Variants in SV2B observed in about 807,000 individuals in gnomAD.
SV2B encodes solute carrier family 22 member B2.
SV2B carries 41 observed loss-of-function variants against 73.9 expected under a neutral mutation model. The ratio of observed to expected loss-of-function variants is 0.56; its 90% CI spans 0.43 to 0.72. The LOEUF is 0.72. Ranked by LOEUF, SV2B falls within the 30% of genes least tolerant of loss-of-function variation. The pLI, the probability that SV2B is intolerant of heterozygous loss-of-function variation, is 0.00. For missense variants in SV2B, 764 were observed against 857.8 expected, an observed-to-expected ratio of 0.89 and a Z score of 1.37; for synonymous variants, 314 against 314.2, an observed-to-expected ratio of 1.00 and a Z score of 0.01.
rs2043633833 is a variant in SV2B, at chr15:91,159,490, A to G, written c.-392+59127A>G. On this transcript the variant is annotated intron_variant, in intron 1 of 12. Transcript: ENST00000394232. ...TATAGCTAAGCCACTAGATAACAGA[A>G]GAGAATTTGCTAATATTCAGCAATG... Among the ~76,000 whole-genome samples, 3 of 152,190 alleles carry G rather than the reference A, an allele frequency of 2.0e-5. No individual in the cohort carries two copies. In the South Asian group the frequency reaches 6.2e-4, roughly 31 times the overall value.
At chr15:91,238,713 C>T (rs1336945693) in intron 2 of SV2B, among the ~76,000 whole-genome samples, 5 of 152,028 alleles carry the variant, frequency 3.3e-5, no homozygotes, top group Non-Finnish European at 5.9e-5. Context: ...CTGCAGGGGT[C>T]TGCAGTGATC....
intron 1 of SV2B, among the ~76,000 whole-genome samples, chr15:91,204,163 C>T (rs909436221): frequency 2.0e-5 from 3 of 152,176 alleles, no homozygotes; most frequent in African/African-American, 4.8e-5. Context: ...GGACTGCTCC[C>T]TCTGACCCTG....
At position 91,252,525 on chromosome 15, in the gene SV2B, G is replaced by C; in HGVS notation, c.784+5G>C. ...GGAGCATCATCCCACACTATGGTGA[G>C]TCATGGCTCCAAACAGCCTAGGGGG... On this transcript the variant is annotated splice_donor_5th_base_variant and intron_variant, in intron 4 of 12. Coordinates refer to ENST00000394232, the MANE Select transcript of SV2B (RefSeq NM_001323032.3). The surrounding 1 kb of genome is among the most constrained non-coding windows in gnomAD (Gnocchi z 4.6). The C allele has an allele frequency of 6.3e-7, 1 of 1,598,904 alleles. No individual in the cohort carries two copies. Among genetic ancestry groups the C allele is most frequent in the Non-Finnish European group, 8.5e-7 (1 of 1,172,218 alleles).
At chr15:91,216,320 C>T (rs892066988) in intron 1 of SV2B, among the ~76,000 whole-genome samples, 5 of 152,192 alleles carry the variant, frequency 3.3e-5, no homozygotes, top group South Asian at 2.1e-4. Context: ...AGCAGTCAGT[C>T]GGTAGAACCA....
Position 91,197,543 on chromosome 15 carries a change from GA to G in SV2B, c.-391-28320del, listed in dbSNP as rs58842618. Among the ~76,000 whole-genome samples, 17 of 140,416 alleles carry G rather than the reference GA, an allele frequency of 1.2e-4. No individual in the cohort carries two copies. The highest frequency in any genetic ancestry group is 2.2e-4 in the Non-Finnish European group (14 of 64,162). 92.1% of individuals were successfully genotyped at this position (140,416 alleles called of 152,430 possible). A position where few individuals can be genotyped will look rare whatever the true frequency, so the allele number is the denominator to read the frequency against. ...CCAGCCATCATTGTTTTTAATAGAA[GA>G]AAAAAAAAACCAAACCAAACCAAAC... is the stretch of plus-strand genomic sequence containing the variant. On this transcript the variant is annotated intron_variant, in intron 1 of 12. Transcript: ENST00000394232. This position sits in a 1 kb window ranked among gnomAD's most constrained non-coding sequence, Gnocchi z 4.9.
intron 1 of SV2B, among the ~76,000 whole-genome samples, chr15:91,198,580 A>C (rs891843625): frequency 2.4e-4 from 36 of 152,126 alleles, no homozygotes; most frequent in Non-Finnish European, 4.6e-4. Flanking sequence ...GAAACCTAAA[A>C]GCATATTTTA....
intron 10 of SV2B, among the ~76,000 whole-genome samples, chr15:91,282,629 G>GT (rs748972528): frequency 3.3e-5 from 5 of 152,232 alleles, no homozygotes; most frequent in African/African-American, 4.8e-5. Flanking sequence ...TGGTTAGCAA[G>GT]TGGAAGGAGT....
chr15:91,266,910 CTTTG>C, intron 7 of SV2B: 1 of 409,122 alleles, frequency 2.4e-6, no homozygotes, highest in Non-Finnish European at 4.3e-6. Context: ...AGTTTCTTTT[CTTTG>C]TTCTTCCTTC....
Position 91,289,830 on chromosome 15 carries a change from C to T in SV2B, c.1868+150C>T, listed in dbSNP as rs1293400927. On this transcript the variant is annotated intron_variant, in intron 12 of 12. Transcript: ENST00000394232. The surrounding 1 kb of genome is among the most constrained non-coding windows in gnomAD (Gnocchi z 4.9). ...CATCTTTTATGTTGAGCTTCTCCTG[C>T]ATGGTGGATGGCATAGACCTGAAAG... 6.2e-6 allele frequency: 6 copies of T among 974,450 alleles called. No individual in the cohort carries two copies. Among genetic ancestry groups the T allele is most frequent in the Non-Finnish European group, 8.9e-6 (6 of 675,000 alleles). 60.4% of individuals were successfully genotyped at this position (974,450 alleles called of 1,614,324 possible). A position where few individuals can be genotyped will look rare whatever the true frequency, so the allele number is the denominator to read the frequency against.
chr15:91,193,047 G>A (rs1334849364), intron 1 of SV2B, among the ~76,000 whole-genome samples: 2 of 152,188 alleles, frequency 1.3e-5, no homozygotes, highest in African/African-American at 2.4e-5. Context: ...TTTTCTGTCT[G>A]TTAATCCACA....
chr15:91,250,557 C>T (rs1318737414), intron 2 of SV2B, among the ~76,000 whole-genome samples: 4 of 152,100 alleles, frequency 2.6e-5, no homozygotes, highest in Non-Finnish European at 4.4e-5. Flanking sequence ...GCATCTTATA[C>T]ATAGAAAACC....
At chr15:91,116,008 C>T (rs2042168949) in intron 1 of SV2B, among the ~76,000 whole-genome samples, 1 of 152,084 alleles carries the variant, frequency 6.6e-6, no homozygotes, top group Non-Finnish European at 1.5e-5. Flanking sequence ...ATATATAATA[C>T]ATTATTATAT....
At chr15:91,160,681 G>A (rs2078879) in intron 1 of SV2B, among the ~76,000 whole-genome samples, 19,406 of 152,024 alleles carry the variant, frequency 0.13, 1,683 homozygotes, top group African/African-American at 0.24. Context: ...ACAAATAATC[G>A]GTGGACTTCA....
intron 1 of SV2B, among the ~76,000 whole-genome samples, chr15:91,148,510 G>A (rs1178650781): frequency 1.3e-5 from 2 of 152,128 alleles, no homozygotes; most frequent in East Asian, 3.9e-4. Context: ...CTGAAACAGG[G>A]CTTCAAAAGC....
chr15:91,206,431 G>A (rs2045644315), intron 1 of SV2B, among the ~76,000 whole-genome samples: 1 of 152,160 alleles, frequency 6.6e-6, no homozygotes, highest in African/African-American at 2.4e-5. Context: ...ATACATGGGT[G>A]ATGTGCTCAT....
chr15:91,179,891 C>T lies in SV2B; in HGVS notation c.-391-45982C>T, dbSNP rs567557130. 2.8e-3 allele frequency among the ~76,000 whole-genome samples: 428 copies of T among 151,670 alleles called. 4 individuals are homozygous for T. The highest frequency in any genetic ancestry group is 1.0e-2 in the African/African-American group (413 of 41,310). ...TTAATTGGAGCATTTAGTCCATTTACATTTAAAGTTAATATTGTTATGTGT... is the reference window on the plus strand; with the variant it reads ...TTAATTGGAGCATTTAGTCCATTTATATTTAAAGTTAATATTGTTATGTGT... On this transcript the variant is annotated intron_variant, in intron 1 of 12. Transcript: ENST00000394232.
chr15:91,229,473 G>T lies in SV2B; in HGVS notation c.451+2759G>T, dbSNP rs2046490562. On this transcript the variant is annotated intron_variant, in intron 2 of 12. Coordinates refer to ENST00000394232, the MANE Select transcript of SV2B (RefSeq NM_001323032.3). The surrounding 1 kb of genome is among the most constrained non-coding windows in gnomAD (Gnocchi z 4.3). Reference sequence around the variant, plus strand: ...CATCGGGCATTTGCAGTGAACTATAGCTGCAGTGAGATGACGAAGCAACGT... The same window carrying T: ...CATCGGGCATTTGCAGTGAACTATATCTGCAGTGAGATGACGAAGCAACGT... Among the ~76,000 whole-genome samples the T allele has an allele frequency of 6.6e-6, 1 of 152,176 alleles. No individual in the cohort carries two copies. Among genetic ancestry groups the T allele is most frequent in the Non-Finnish European group, 1.5e-5 (1 of 68,038 alleles).
intron 1 of SV2B, among the ~76,000 whole-genome samples, chr15:91,186,842 T>A (rs972580310): frequency 6.6e-6 from 1 of 152,210 alleles, no homozygotes; most frequent in Non-Finnish European, 1.5e-5. Flanking sequence ...AAACTGCGCT[T>A]GTACCCCTAA....
intron 1 of SV2B, among the ~76,000 whole-genome samples, chr15:91,180,925 G>C (rs545623618): frequency 6.6e-6 from 1 of 152,140 alleles, no homozygotes; most frequent in African/African-American, 2.4e-5. Flanking sequence ...GCTTTGTTCC[G>C]TTGCTGGTGA....
Sources: allele counts gnomAD v4.1 joint callset (sites outside exome capture counted in the v4.1 genomes callset), GRCh38; gene constraint gnomAD v4.1.1; non-coding constraint Gnocchi (gnomAD v3.1); transcripts MANE v1.5; gene names NCBI Gene and HGNC (gene_info 2026-07-23, HGNC 2026-07-21).